The following SYNE3 variants were observed in gnomAD, a reference collection of about 807,000 sequenced individuals.
SYNE3 encodes the protein spectrin repeat containing nuclear envelope family member 3.
A neutral mutation model predicts 111.2 loss-of-function variants in SYNE3; 100 were observed. That is an observed-to-expected ratio of 0.90 (90% CI 0.77 to 1.06). The LOEUF (loss-of-function observed/expected upper bound fraction) is 1.06, where lower values mean the gene tolerates loss of function less well. Ranked by LOEUF, SYNE3 falls within the 50% of genes least tolerant of loss-of-function variation. The pLI is 0.00. For missense variants in SYNE3, 1,160 were observed against 1,240.3 expected (o/e 0.94, Z 0.97); for synonymous variants, 547 against 533.9 (o/e 1.02, Z -0.34).
chr14:95,477,558 C>A (rs1311352045), intron 1 of SYNE3, among the ~76,000 whole-genome samples: 4 of 152,206 alleles, frequency 2.6e-5, no homozygotes, highest in African/African-American at 9.7e-5. Flanking sequence ...CCAGGCCCTG[C>A]ACGGGGCCAG....
At chr14:95,498,326 G>A (rs761409918) in intron 1 of SYNE3, among the ~76,000 whole-genome samples, 2 of 152,146 alleles carry the variant, frequency 1.3e-5, no homozygotes, top group South Asian at 2.1e-4. Context: ...AAGTAGCTGG[G>A]ATTCCATTCA....
chr14:95,441,810 G>A (rs980785173), intron 11 of SYNE3, among the ~76,000 whole-genome samples: 25 of 152,230 alleles, frequency 1.6e-4, no homozygotes, highest in African/African-American at 6.0e-4. Context: ...GGCTCCACAG[G>A]TGATGCCTTA....
At chr14:95,455,165 C>T (rs929765184) in intron 6 of SYNE3, among the ~76,000 whole-genome samples, 4 of 152,314 alleles carry the variant, frequency 2.6e-5, no homozygotes, top group African/African-American at 7.2e-5. Context: ...AAAAAAGTCT[C>T]TGTAGGCCCC....
At chr14:95,472,060 T>A (rs922566837) in intron 2 of SYNE3, among the ~76,000 whole-genome samples, 8 of 152,146 alleles carry the variant, frequency 5.3e-5, no homozygotes, top group Non-Finnish European at 1.0e-4. Context: ...CAAAGTAGTA[T>A]GAGAGCTCAG....
chr14:95,430,522 C>G (rs1424003108), intron 17 of SYNE3, among the ~76,000 whole-genome samples: 1 of 152,200 alleles, frequency 6.6e-6, no homozygotes, highest in African/African-American at 2.4e-5. Flanking sequence ...AATAAGGTTG[C>G]CATTAATAGT....
Position 95,414,512 on chromosome 14 carries a change from T to C in SYNE3, c.*3314A>G, listed in dbSNP as rs1424656925. On this transcript the variant is annotated 3_prime_UTR_variant, in exon 18 of 18. Coordinates refer to ENST00000682763, the MANE Select transcript of SYNE3 (RefSeq NM_152592.6). Reference sequence around the variant, plus strand: ...GTCAGTACCTGCCCATCCCTCCCGCTCCCAGCTTTTCTTTTTAAACACCCT... The same window carrying C: ...GTCAGTACCTGCCCATCCCTCCCGCCCCCAGCTTTTCTTTTTAAACACCCT... 1 of 152,174 alleles carries C rather than the reference T, an allele frequency of 6.6e-6. No individual in the cohort carries two copies. Among genetic ancestry groups the C allele is most frequent in the Non-Finnish European group, 1.5e-5 (1 of 68,070 alleles). The allele number at this position is 152,174 out of a possible 1,614,324, so 9.4% of individuals were successfully genotyped here. A position where few individuals can be genotyped will look rare whatever the true frequency, so the allele number is the denominator to read the frequency against.
chr14:95,421,736 T>C (rs1364469542), intron 17 of SYNE3, among the ~76,000 whole-genome samples: 2 of 152,224 alleles, frequency 1.3e-5, no homozygotes, highest in Non-Finnish European at 2.9e-5. Flanking sequence ...TTAGGCACCA[T>C]CATCACCTCC....
chr14:95,425,300 A>C (rs1312487087), intron 17 of SYNE3, among the ~76,000 whole-genome samples: 2 of 152,144 alleles, frequency 1.3e-5, no homozygotes, highest in Non-Finnish European at 2.9e-5. Context: ...CCACAAAGAC[A>C]CTGAGGAACC....
rs1888438241 is a variant in SYNE3, at chr14:95,470,132, C to T, written c.145-2165G>A. Among the ~76,000 whole-genome samples the T allele has an allele frequency of 6.6e-6, 1 of 152,078 alleles. No homozygotes were observed. The highest frequency in any genetic ancestry group is 1.5e-5 in the Non-Finnish European group (1 of 68,010). On this transcript the variant is annotated intron_variant, in intron 2 of 17. Transcript: ENST00000682763. This position sits in a 1 kb window ranked among gnomAD's most constrained non-coding sequence, Gnocchi z 4.2. ...ACAGCAAGTACCCACACAGGGACCCCGAGTCCCTCTCAGCAGCGAGCAGTG... is the reference window on the plus strand; with the variant it reads ...ACAGCAAGTACCCACACAGGGACCCTGAGTCCCTCTCAGCAGCGAGCAGTG...
chr14:95,425,256 GAAAAGA>G (rs1885368501), intron 17 of SYNE3, among the ~76,000 whole-genome samples: 1 of 145,858 alleles, frequency 6.9e-6, no homozygotes, highest in Non-Finnish European at 1.5e-5. Context: ...AAAAAAAAAA[GAAAAGA>G]AAAAGAAAAA....
intron 17 of SYNE3, among the ~76,000 whole-genome samples, chr14:95,422,576 T>C (rs1376121279): frequency 1.3e-5 from 2 of 152,196 alleles, no homozygotes; most frequent in Non-Finnish European, 2.9e-5. Context: ...TGCTCTGACC[T>C]GGGGCCTGGA....
At chr14:95,471,302 A>G (rs994493371) in intron 2 of SYNE3, among the ~76,000 whole-genome samples, 1 of 152,218 alleles carries the variant, frequency 6.6e-6, no homozygotes, top group East Asian at 1.9e-4. Flanking sequence ...CATGCGGACA[A>G]TGGCCCCTTC....
intron 1 of SYNE3, among the ~76,000 whole-genome samples, chr14:95,499,865 T>G (rs1309594314): frequency 7.1e-6 from 1 of 140,194 alleles, no homozygotes; most frequent in African/African-American, 2.8e-5. Context: ...TCTTTTTTTT[T>G]TTTTTTTTTT....
chr14:95,436,471 A>G (rs990458054), intron 15 of SYNE3, among the ~76,000 whole-genome samples: 5 of 152,234 alleles, frequency 3.3e-5, no homozygotes, highest in Non-Finnish European at 7.3e-5. Flanking sequence ...GGTTGAGTTC[A>G]GCCTAACCTG....
At position 95,475,788 on chromosome 14, in the gene SYNE3, T is replaced by C. The variant is rs954926152; in HGVS notation, c.34A>G (p.Ser12Gly). 2 of 1,595,008 alleles carry C rather than the reference T, an allele frequency of 1.3e-6. No individual in the cohort carries two copies. Among genetic ancestry groups the C allele is most frequent in the South Asian group, 1.1e-5 (1 of 87,974 alleles). ...ATCCATGCCTGGGCATCCTCCACGC[T>C]CCTGTCAAAGTCGTCCTGGGGCTGC... ...TQQPQDDFDRSVEDAQAWMKA... is the reference protein window; with the variant it reads ...TQQPQDDFDRGVEDAQAWMKA... The change falls in exon 2 of 18, where the codon AGC becomes GGC. Residue 12 changes from serine to glycine, a missense_variant. Coordinates refer to ENST00000682763, the MANE Select transcript of SYNE3 (RefSeq NM_152592.6).
intron 17 of SYNE3, among the ~76,000 whole-genome samples, chr14:95,424,477 C>G (rs1885326620): frequency 6.6e-6 from 1 of 152,208 alleles, no homozygotes; most frequent in Admixed American, 6.5e-5. Flanking sequence ...TTTCTAGTGC[C>G]TCTACCCAGC....
intron 4 of SYNE3, among the ~76,000 whole-genome samples, chr14:95,457,645 C>A (rs543079084): frequency 7.2e-5 from 11 of 152,296 alleles, no homozygotes; most frequent in African/African-American, 2.6e-4. Flanking sequence ...GGTGCGGCAA[C>A]AGCAACAACA....
intron 16 of SYNE3, 28 bp from the exon 17 acceptor site, chr14:95,432,145 G>A (rs777403040): frequency 2.0e-5 from 22 of 1,118,710 alleles, no homozygotes; most frequent in Non-Finnish European, 2.5e-5. Flanking sequence ...GAGAGGAAAA[G>A]GGGGGAAAAA....
intron 1 of SYNE3, among the ~76,000 whole-genome samples, chr14:95,510,207 G>T (rs1346211237): frequency 6.6e-6 from 1 of 152,148 alleles, no homozygotes; most frequent in Non-Finnish European, 1.5e-5. Context: ...CCATGGGGAG[G>T]TATCACCAAC....
Sources: gnomAD v4.1 joint callset for allele counts (sites outside exome capture counted in the v4.1 genomes callset) on GRCh38, gnomAD v4.1.1 for gene constraint, Gnocchi (gnomAD v3.1) non-coding constraint, MANE v1.5 for transcripts, NCBI Gene and HGNC (gene_info 2026-07-23, HGNC 2026-07-21) for gene names.